The following KLF12 variants were observed in gnomAD, a reference collection of about 807,000 sequenced individuals.
KLF12 encodes Krueppel-like factor 12.
In KLF12, 9 loss-of-function variants were observed where a neutral mutation model predicts 37.8. That is an observed-to-expected ratio of 0.24 (90% CI 0.14 to 0.42). The LOEUF is 0.42. Among genes scored for constraint, KLF12 ranks in the 10% least tolerant of loss-of-function variants. The pLI is 1.00. For missense variants in KLF12, 411 were observed against 516.0 expected (o/e 0.80, Z 1.97); for synonymous variants, 208 against 202.1 (o/e 1.03, Z -0.25).
chr13:73,969,205 G>A (rs1054911985), intron 2 of KLF12, among the ~76,000 whole-genome samples: 14 of 152,210 alleles, frequency 9.2e-5, no homozygotes, highest in Admixed American at 9.2e-4. Context: ...CCTTTTTGGA[G>A]GTTCTAAAGC....
At chr13:74,241,527 G>A in the KLF12 span, among the ~76,000 whole-genome samples, 1 of 152,206 alleles carries the variant, frequency 6.6e-6, no homozygotes, top group Admixed American at 6.5e-5. Flanking sequence ...GCAATGGCGG[G>A]CGCCCCTCCC....
rs1373852859 is a variant in KLF12, at chr13:73,846,175, A to C, written c.322T>G (p.Ser108Ala). The C allele has an allele frequency of 6.2e-7, 1 of 1,613,948 alleles. No homozygotes were observed. The highest frequency in any genetic ancestry group is 1.7e-5 in the Admixed American group (1 of 59,980). ...GAGGTTGAAGTTGAAGAAGGTGAGG[A>C]GGCAGATGCTGTCATGGAAACTGGG... Residue 108 changes from serine to alanine, a missense_variant, in exon 4 of 8, where the codon TCC (serine) becomes GCC (alanine). Physicochemically the swap from Ser to Ala is moderately conservative, Grantham distance 99 (BLOSUM62 1). Around this residue, in one of 2 missense-constraint regions of KLF12, gnomAD observed 351 missense variants for 397.8 expected, o/e 0.88. Coordinates refer to ENST00000377669, the MANE Select transcript of KLF12 (RefSeq NM_007249.5).
At chr13:74,132,073 G>T (rs1235756792) in intron 1 of KLF12, among the ~76,000 whole-genome samples, 1 of 152,068 alleles carries the variant, frequency 6.6e-6, no homozygotes, top group Admixed American at 6.6e-5. Flanking sequence ...CTTAAAAAAT[G>T]CACACAACAT....
At chr13:74,185,737 C>G in the KLF12 span, among the ~76,000 whole-genome samples, 4 of 150,454 alleles carry the variant, frequency 2.7e-5, no homozygotes, top group African/African-American at 9.8e-5. Flanking sequence ...ACCTCCACCT[C>G]CCAGGTTCAA....
intron 1 of KLF12, among the ~76,000 whole-genome samples, chr13:74,066,160 A>C (rs192733264): frequency 6.6e-6 from 1 of 152,282 alleles, no homozygotes; most frequent in East Asian, 1.9e-4. Flanking sequence ...AGACAAGACT[A>C]TGAAGAGGAA....
chr13:74,159,999 C>G, the KLF12 span, among the ~76,000 whole-genome samples: 3 of 27,002 alleles, frequency 1.1e-4, no homozygotes, highest in East Asian at 3.4e-3. Flanking sequence ...GAGACCTTGT[C>G]TCAAAAAAAA....
At chr13:73,867,041 G>A (rs1401055847) in intron 3 of KLF12, among the ~76,000 whole-genome samples, 1 of 151,896 alleles carries the variant, frequency 6.6e-6, no homozygotes, top group African/African-American at 2.4e-5. Context: ...CTAAAGAGAA[G>A]GTAGGGAAAG....
chr13:73,893,026 G>GAA (rs137984991), intron 3 of KLF12, among the ~76,000 whole-genome samples: 2 of 134,758 alleles, frequency 1.5e-5, no homozygotes, highest in Non-Finnish European at 3.3e-5. Flanking sequence ...CTTTGAAAGA[G>GAA]AAAAAAAAAA....
At chr13:73,818,816 C>A (rs1308945642) in intron 4 of KLF12, among the ~76,000 whole-genome samples, 1 of 152,212 alleles carries the variant, frequency 6.6e-6, no homozygotes, top group Non-Finnish European at 1.5e-5. Context: ...GCAGGCGCCA[C>A]AGGGCTGATG....
intron 5 of KLF12, among the ~76,000 whole-genome samples, chr13:73,812,600 T>C (rs545016961): frequency 1.7e-4 from 26 of 151,856 alleles, no homozygotes; most frequent in Non-Finnish European, 3.2e-4. Context: ...AGGTACAAGG[T>C]TGACTGATAG....
At chr13:74,109,388 G>T (rs116449408) in intron 1 of KLF12, among the ~76,000 whole-genome samples, 1 of 151,916 alleles carries the variant, frequency 6.6e-6, no homozygotes, top group African/African-American at 2.4e-5. Flanking sequence ...GCACTGGGGG[G>T]AGTAAGTAAT....
At chr13:74,096,388 C>CCT (rs1028800788) in intron 1 of KLF12, among the ~76,000 whole-genome samples, 2 of 152,094 alleles carry the variant, frequency 1.3e-5, no homozygotes, top group African/African-American at 4.8e-5. Flanking sequence ...GAAGAAATCC[C>CCT]CTCTCTCTCC....
chr13:73,987,281 A>C (rs752374467), intron 2 of KLF12, among the ~76,000 whole-genome samples: 10 of 152,154 alleles, frequency 6.6e-5, no homozygotes, highest in Non-Finnish European at 1.2e-4. Flanking sequence ...AGAAGGGAAG[A>C]AGCTGCCTTA....
At chr13:73,810,331 A>G (rs952557481) in intron 5 of KLF12, among the ~76,000 whole-genome samples, 17 of 152,218 alleles carry the variant, frequency 1.1e-4, no homozygotes, top group African/African-American at 3.9e-4. Context: ...ATTAAAATAT[A>G]CTAATACATA....
At chr13:73,708,698 T>C (rs1875135693) in intron 7 of KLF12, among the ~76,000 whole-genome samples, 2 of 152,162 alleles carry the variant, frequency 1.3e-5, no homozygotes, top group Non-Finnish European at 2.9e-5. Context: ...CAAAACCAAA[T>C]TCACAAAATT....
chr13:73,711,072 C>T (rs925653015), intron 7 of KLF12, among the ~76,000 whole-genome samples: 14 of 152,282 alleles, frequency 9.2e-5, no homozygotes, highest in African/African-American at 3.4e-4. Flanking sequence ...AAAGCTAAAG[C>T]CTAATCCAGA....
intron 1 of KLF12, among the ~76,000 whole-genome samples, chr13:74,125,162 T>TACACAC (rs1434010611): frequency 7.6e-6 from 1 of 131,834 alleles, no homozygotes; most frequent in Non-Finnish European, 1.7e-5. Context: ...AAAATATATA[T>TACACAC]ATATACACAC....
chr13:73,881,512 CAG>C (rs1040963426), intron 3 of KLF12, among the ~76,000 whole-genome samples: 3 of 151,944 alleles, frequency 2.0e-5, no homozygotes, highest in Admixed American at 6.6e-5. Flanking sequence ...ATAGATTTGC[CAG>C]AGTCAGGAGA....
chr13:74,093,860 C>T (rs778093582), intron 1 of KLF12, among the ~76,000 whole-genome samples: 4 of 151,944 alleles, frequency 2.6e-5, no homozygotes, highest in Admixed American at 6.6e-5. Flanking sequence ...ATCAACCACT[C>T]TGACTTCAAC....
Sources: allele counts gnomAD v4.1 joint callset (sites outside exome capture counted in the v4.1 genomes callset), GRCh38; gene constraint gnomAD v4.1.1; regional missense constraint gnomAD v4.1.1; transcripts MANE v1.5; gene names NCBI Gene and HGNC (gene_info 2026-07-23, HGNC 2026-07-21).